Variants in ZNF407 observed in about 807,000 individuals in gnomAD.
ZNF407 encodes zinc finger protein 407.
ZNF407 carries 17 observed loss-of-function variants against 131.2 expected under a neutral mutation model. The observed-to-expected ratio is 0.13, with a 90% CI of 0.09 to 0.19. ZNF407 has a LOEUF of 0.19. Ranked by LOEUF, ZNF407 falls within the 10% of genes least tolerant of loss-of-function variation. The pLI, the probability that ZNF407 is intolerant of heterozygous loss-of-function variation, is 1.00. For missense variants in ZNF407, 2,681 were observed against 2,830.6 expected, an observed-to-expected ratio of 0.95 and a Z score of 1.20; for synonymous variants, 1,156 against 1,062.0, an observed-to-expected ratio of 1.09 and a Z score of -1.72.
intron 4 of ZNF407, among the ~76,000 whole-genome samples, chr18:74,807,954 A>G (rs914826772): frequency 5.9e-5 from 9 of 152,104 alleles, no homozygotes; most frequent in African/African-American, 2.2e-4. Flanking sequence ...CCTGGGCTCA[A>G]GCGATCCCCC....
At chr18:74,819,317 C>G (rs572846861) in intron 4 of ZNF407, among the ~76,000 whole-genome samples, 1 of 152,186 alleles carries the variant, frequency 6.6e-6, no homozygotes, top group Admixed American at 6.5e-5. Flanking sequence ...GCAAAATTTT[C>G]CTTTACTTAA....
At chr18:74,698,787 G>C (rs970178999) in intron 3 of ZNF407, among the ~76,000 whole-genome samples, 2 of 152,174 alleles carry the variant, frequency 1.3e-5, no homozygotes, top group Non-Finnish European at 2.9e-5. Flanking sequence ...CACAGAGGTA[G>C]CACCTGAGTA....
chr18:74,892,253 A>G (rs770253674), intron 7 of ZNF407, among the ~76,000 whole-genome samples: 9 of 152,154 alleles, frequency 5.9e-5, no homozygotes, highest in Non-Finnish European at 1.3e-4. Flanking sequence ...GCACAGCACA[A>G]GGGTGTCATG....
At chr18:75,032,049 G>A (rs961035790) in intron 8 of ZNF407, among the ~76,000 whole-genome samples, 3 of 152,250 alleles carry the variant, frequency 2.0e-5, no homozygotes, top group African/African-American at 7.2e-5. Context: ...ACTTTCTATC[G>A]TAAGTAGAAG....
intron 6 of ZNF407, among the ~76,000 whole-genome samples, chr18:74,885,433 C>G (rs1229461551): frequency 6.6e-6 from 1 of 152,094 alleles, no homozygotes; most frequent in African/African-American, 2.4e-5. Flanking sequence ...TCGTTCACAT[C>G]GATCAATCCA....
chr18:74,852,875 A>G (rs1395323611), intron 4 of ZNF407, among the ~76,000 whole-genome samples: 1 of 152,232 alleles, frequency 6.6e-6, no homozygotes, highest in Non-Finnish European at 1.5e-5. Flanking sequence ...CACTTCTGAA[A>G]TACATTTATT....
intron 4 of ZNF407, among the ~76,000 whole-genome samples, chr18:74,832,485 C>T (rs750721947): frequency 6.6e-6 from 1 of 151,016 alleles, no homozygotes; most frequent in Non-Finnish European, 1.5e-5. Context: ...GATAGGGTCT[C>T]ACTCTGTCAC....
At chr18:74,790,727 A>G (rs1012643115) in intron 4 of ZNF407, among the ~76,000 whole-genome samples, 1 of 152,178 alleles carries the variant, frequency 6.6e-6, no homozygotes, top group Admixed American at 6.5e-5. Flanking sequence ...ATACAGTTTC[A>G]TTATACAGTA....
chr18:74,784,498 A>G lies in ZNF407; in HGVS notation c.4877+2996A>G, dbSNP rs147371677. On this transcript the variant is annotated intron_variant, in intron 4 of 8. Coordinates refer to ENST00000299687, the MANE Select transcript of ZNF407 (RefSeq NM_017757.3). ...AGAAACAGAAAACTAAATTATTTCA[A>G]ATATTTTCTTTGAGACTCTGTGAAC... Among the ~76,000 whole-genome samples, 534 of 152,346 alleles carry G rather than the reference A, an allele frequency of 3.5e-3. 5 individuals are homozygous for G. The highest frequency in any genetic ancestry group is 0.012 in the African/African-American group (505 of 41,584).
At chr18:74,780,813 A>T (rs949103625) in intron 3 of ZNF407, among the ~76,000 whole-genome samples, 2 of 152,190 alleles carry the variant, frequency 1.3e-5, no homozygotes, top group South Asian at 4.1e-4. Context: ...ATTTATGTCA[A>T]CAAAATTGAA....
intron 8 of ZNF407, among the ~76,000 whole-genome samples, chr18:74,937,928 C>G (rs556682918): frequency 1.3e-5 from 2 of 152,292 alleles, no homozygotes; most frequent in East Asian, 3.9e-4. Context: ...TGAGATTATA[C>G]TTGGTAGACC....
intron 8 of ZNF407, among the ~76,000 whole-genome samples, chr18:74,957,634 A>G (rs566087523): frequency 6.6e-6 from 1 of 152,328 alleles, no homozygotes; most frequent in South Asian, 2.1e-4. Flanking sequence ...GACAGTTGCT[A>G]TTTTATTCAC....
chr18:74,598,765 T>C (rs1305656221), intron 1 of ZNF407, among the ~76,000 whole-genome samples: 2 of 152,270 alleles, frequency 1.3e-5, no homozygotes, highest in African/African-American at 4.8e-5. Flanking sequence ...CTCACCTCTT[T>C]CCAGCCAGCT....
intron 8 of ZNF407, among the ~76,000 whole-genome samples, chr18:75,009,608 G>A (rs1000245568): frequency 6.6e-6 from 1 of 152,180 alleles, no homozygotes; most frequent in Non-Finnish European, 1.5e-5. Flanking sequence ...GCTATCACTT[G>A]TTCAACGCTT....
At chr18:75,043,863 G>T (rs556405709) in intron 8 of ZNF407, among the ~76,000 whole-genome samples, 1 of 152,078 alleles carries the variant, frequency 6.6e-6, no homozygotes, top group East Asian at 1.9e-4. Flanking sequence ...GCAGGTATCC[G>T]GATATAAAAA....
chr18:74,808,754 GAATA>G (rs1233047622), intron 4 of ZNF407, among the ~76,000 whole-genome samples: 2 of 152,114 alleles, frequency 1.3e-5, no homozygotes, highest in Non-Finnish European at 2.9e-5. Context: ...TGGTAAGAAT[GAATA>G]AATAGAGAAG....
intron 3 of ZNF407, among the ~76,000 whole-genome samples, chr18:74,713,876 A>G (rs987783345): frequency 6.6e-6 from 1 of 152,216 alleles, no homozygotes; most frequent in Non-Finnish European, 1.5e-5. Flanking sequence ...GACTTCTTTG[A>G]ATATTATGTT....
Position 74,608,738 on chromosome 18 carries a change from G to T in ZNF407, c.-54+10801G>T, listed in dbSNP as rs551059372. ...GTAGAATGTCCCTCAGTTTGGATTT[G>T]TCTGATGCTCTTTCTTGTTAAATTG... is the stretch of plus-strand genomic sequence containing the variant. On this transcript the variant is annotated intron_variant, in intron 1 of 8. Coordinates refer to ENST00000299687, the MANE Select transcript of ZNF407 (RefSeq NM_017757.3). Among the ~76,000 whole-genome samples the T allele has an allele frequency of 1.2e-4, 19 of 152,322 alleles. 1 individual carries two copies. In the East Asian group the frequency reaches 2.5e-3, roughly 20 times the overall value.
intron 8 of ZNF407, among the ~76,000 whole-genome samples, chr18:75,005,810 C>A (rs1972903325): frequency 6.6e-6 from 1 of 151,090 alleles, no homozygotes; most frequent in East Asian, 1.9e-4. Flanking sequence ...AAATCCCCAC[C>A]CTCCTGGGAT....
Sources: allele counts gnomAD v4.1 joint callset (sites outside exome capture counted in the v4.1 genomes callset), GRCh38; gene constraint gnomAD v4.1.1; transcripts MANE v1.5; gene names NCBI Gene and HGNC (gene_info 2026-07-23, HGNC 2026-07-21).